Variants in SLC25A26 observed in about 807,000 individuals in gnomAD.
The protein encoded by SLC25A26 is mitochondrial S-adenosylmethionine carrier protein.
In SLC25A26, 36 loss-of-function variants were observed where a neutral mutation model predicts 37.8. The ratio of observed to expected loss-of-function variants is 0.95; its 90% CI spans 0.73 to 1.26. The LOEUF (loss-of-function observed/expected upper bound fraction) is 1.26, where lower values mean the gene tolerates loss of function less well. SLC25A26 is among the 50% of genes most tolerant of loss of function. The pLI, the probability that SLC25A26 is intolerant of heterozygous loss-of-function variation, is 0.00. For synonymous variants in SLC25A26, 129 were observed against 122.5 expected (o/e 1.05, Z -0.35); for missense variants, 390 against 331.1 (o/e 1.18, Z -1.38).
chr3:66,337,249 C>T (rs908868589), intron 5 of SLC25A26, among the ~76,000 whole-genome samples: 9 of 152,076 alleles, frequency 5.9e-5, no homozygotes, highest in Admixed American at 3.9e-4. Flanking sequence ...GATGTTCACA[C>T]TGGGCATTTT....
chr3:66,206,070 G>C (rs953565123), intron 1 of SLC25A26, among the ~76,000 whole-genome samples: 1 of 152,164 alleles, frequency 6.6e-6, no homozygotes, highest in Admixed American at 6.5e-5. Context: ...CAGAGGGAAG[G>C]CTGGGATATT....
rs370154339 is a variant in SLC25A26 at position 66,378,687 on chromosome 3, G to GCAAA, written c.*887_*890dup. The GCAAA allele has an allele frequency of 3.3e-4, 50 of 152,584 alleles. No individual in the cohort carries two copies. The highest frequency in any genetic ancestry group is 1.2e-3 in the East Asian group (6 of 5,182). The allele number at this position is 152,584 out of a possible 1,614,324, so 9.5% of individuals were successfully genotyped here. A position where few individuals can be genotyped will look rare whatever the true frequency, so the allele number is the denominator to read the frequency against. ...ATCTAGCAGTGTTGTCTGCCCTGGA[G>GCAAA]CAAACAAACAGTATGTGATTTTGCT... On this transcript the variant is annotated 3_prime_UTR_variant, in exon 10 of 10. Transcript: ENST00000354883.
intron 7 of SLC25A26, among the ~76,000 whole-genome samples, chr3:66,368,263 A>G (rs1213923240): frequency 6.6e-6 from 1 of 152,188 alleles, no homozygotes; most frequent in Non-Finnish European, 1.5e-5. Flanking sequence ...TGGAAGCTGA[A>G]TCTTTGTAAT....
At chr3:66,143,442 G>A (rs1219672501) in intron 1 of SLC25A26, among the ~76,000 whole-genome samples, 7 of 152,264 alleles carry the variant, frequency 4.6e-5, no homozygotes, top group African/African-American at 7.2e-5. Flanking sequence ...AGTGCTCTAC[G>A]TGCTGGCAAC....
intron 1 of SLC25A26, among the ~76,000 whole-genome samples, chr3:66,223,716 G>A (rs985902074): frequency 6.6e-6 from 1 of 152,170 alleles, no homozygotes; most frequent in African/African-American, 2.4e-5. Context: ...AGCAGAGCCT[G>A]GCAAGTAGCA....
chr3:66,375,520 T>A (rs945065335), intron 9 of SLC25A26, among the ~76,000 whole-genome samples: 2 of 152,212 alleles, frequency 1.3e-5, no homozygotes, highest in African/African-American at 4.8e-5. Flanking sequence ...TATCTTTAAG[T>A]TGAAGCCAAT....
intron 1 of SLC25A26, among the ~76,000 whole-genome samples, chr3:66,150,249 G>C (rs543522449): frequency 6.6e-6 from 1 of 151,852 alleles, no homozygotes; most frequent in East Asian, 1.9e-4. Context: ...TTTAATCCCA[G>C]TACTTTGGGA....
At chr3:66,189,474 A>C (rs1323784948) in intron 1 of SLC25A26, among the ~76,000 whole-genome samples, 1 of 152,044 alleles carries the variant, frequency 6.6e-6, no homozygotes, top group East Asian at 1.9e-4. Flanking sequence ...TCTGACCCTT[A>C]TTGTCACCCT....
At chr3:66,228,695 C>T (rs546607302) in intron 1 of SLC25A26, among the ~76,000 whole-genome samples, 1 of 152,300 alleles carries the variant, frequency 6.6e-6, no homozygotes, top group South Asian at 2.1e-4. Flanking sequence ...TAACACTTAA[C>T]TGTTTACTGA....
intron 2 of SLC25A26, 167 bp downstream of exon 2, chr3:66,236,867 C>G (rs534013059): frequency 5.1e-4 from 126 of 246,062 alleles, no homozygotes; most frequent in South Asian, 2.3e-3. Flanking sequence ...GTCACGGTCT[C>G]ACTTTGTCGC....
chr3:66,367,765 A>G lies in SLC25A26; in HGVS notation c.569-1713A>G, dbSNP rs1055882220. Among the ~76,000 whole-genome samples, 9 of 152,134 alleles carry G rather than the reference A, an allele frequency of 5.9e-5. No homozygotes were observed. The East Asian group carries it at 9.7e-4, about 16-fold the overall frequency. On this transcript the variant is annotated intron_variant, in intron 7 of 9. Transcript: ENST00000354883. ...TGTTCATGGATCCTGTTATGTAACT[A>G]AAAGTATATTTACTTTTCCAGGGCA...
At chr3:66,321,154 ATTAGCATAACC>A (rs1306423798) in intron 5 of SLC25A26, among the ~76,000 whole-genome samples, 1 of 152,216 alleles carries the variant, frequency 6.6e-6, no homozygotes, top group Non-Finnish European at 1.5e-5. Flanking sequence ...CAAGAGCATT[ATTAGCATAACC>A]TGGGAACTTG....
At chr3:66,211,135 T>A (rs2071279459) in intron 1 of SLC25A26, among the ~76,000 whole-genome samples, 1 of 152,176 alleles carries the variant, frequency 6.6e-6, no homozygotes, top group Non-Finnish European at 1.5e-5. Flanking sequence ...ATGTATTCAC[T>A]CATCTTTTAC....
intron 6 of SLC25A26, among the ~76,000 whole-genome samples, chr3:66,349,502 AT>A (rs1219838787): frequency 6.6e-6 from 1 of 151,446 alleles, no homozygotes; most frequent in Non-Finnish European, 1.5e-5. Context: ...TTAATGTAAT[AT>A]TTTTGAGATG....
chr3:66,306,446 A>G (rs1201481500), intron 5 of SLC25A26, among the ~76,000 whole-genome samples: 1 of 151,948 alleles, frequency 6.6e-6, no homozygotes, highest in Non-Finnish European at 1.5e-5. Context: ...TCCTTTGCCC[A>G]CTTTTTAATA....
chr3:66,178,444 CT>C (rs945673404), intron 1 of SLC25A26, among the ~76,000 whole-genome samples: 11 of 152,124 alleles, frequency 7.2e-5, no homozygotes, highest in African/African-American at 2.7e-4. Flanking sequence ...GTTTGGTGCA[CT>C]TTTCGTGAGG....
chr3:66,323,083 C>T (rs1430500263), intron 5 of SLC25A26, among the ~76,000 whole-genome samples: 1 of 150,490 alleles, frequency 6.6e-6, no homozygotes, highest in Non-Finnish European at 1.5e-5. Flanking sequence ...CTGCTCTGAG[C>T]ATTAGAAATA....
chr3:66,250,466 T>C (rs2073038466), intron 3 of SLC25A26, among the ~76,000 whole-genome samples: 2 of 152,228 alleles, frequency 1.3e-5, no homozygotes, highest in South Asian at 4.1e-4. Flanking sequence ...GTAGAAACTG[T>C]ATTTCAGATT....
intron 5 of SLC25A26, among the ~76,000 whole-genome samples, chr3:66,311,124 A>G (rs1408044407): frequency 1.3e-5 from 2 of 152,132 alleles, no homozygotes; most frequent in African/African-American, 2.4e-5. Context: ...ACTTTCGGGT[A>G]CACCAATCAA....
Sources: allele counts gnomAD v4.1 joint callset (sites outside exome capture counted in the v4.1 genomes callset), GRCh38; gene constraint gnomAD v4.1.1; transcripts MANE v1.5; gene names NCBI Gene and HGNC (gene_info 2026-07-23, HGNC 2026-07-21).